NSUN3: variants seen among roughly 807,000 people sequenced by gnomAD.
NSUN3 encodes the protein NOP2/Sun RNA methyltransferase 3, also known as tRNA (cytosine(34)-C(5))-methyltransferase, mitochondrial.
NSUN3 carries 24 observed loss-of-function variants against 36.8 expected under a neutral mutation model. The observed-to-expected ratio is 0.65, with a 90% CI of 0.47 to 0.92. NSUN3 has a LOEUF of 0.92. NSUN3 is among the 40% of genes least tolerant of loss of function. NSUN3 has a pLI of 0.00. For missense variants in NSUN3, 381 were observed against 392.8 expected (o/e 0.97, Z 0.25); for synonymous variants, 146 against 145.2 (o/e 1.01, Z -0.04).
intron 3 of NSUN3, among the ~76,000 whole-genome samples, chr3:94,093,481 T>C (rs2077324912): frequency 6.6e-6 from 1 of 152,194 alleles, no homozygotes; most frequent in Admixed American, 6.5e-5. Flanking sequence ...CTAGGCAAGA[T>C]TGCTTATGAT....
At chr3:94,124,861 G>A (rs1357829893) in intron 5 of NSUN3, among the ~76,000 whole-genome samples, 1 of 151,994 alleles carries the variant, frequency 6.6e-6, no homozygotes, top group Non-Finnish European at 1.5e-5. Flanking sequence ...TTACCACCTA[G>A]AACAATGCTC....
chr3:94,069,897 A>AT (rs1237497673), intron 2 of NSUN3, among the ~76,000 whole-genome samples: 1 of 152,136 alleles, frequency 6.6e-6, no homozygotes, highest in Non-Finnish European at 1.5e-5. Context: ...ACAGTGTGAT[A>AT]TATTAGTTTA....
chr3:94,102,594 T>C (rs531402590), intron 5 of NSUN3, among the ~76,000 whole-genome samples: 10 of 152,242 alleles, frequency 6.6e-5, no homozygotes, highest in African/African-American at 2.2e-4. Context: ...TGTTTCTTTT[T>C]TCTTTAAGTT....
rs139101221 is a variant in NSUN3, at chr3:94,121,031, C to T, written c.744-5180C>T. ...CAAAAAAAGAGAAAACAAAAAACGC[C>T]ATCATTAGATGTGTATTAGTTGTTT... On this transcript the variant is annotated intron_variant, in intron 5 of 5. Coordinates refer to ENST00000314622, the MANE Select transcript of NSUN3 (RefSeq NM_022072.5). Among the ~76,000 whole-genome samples, 327 of 152,224 alleles carry T rather than the reference C, an allele frequency of 2.1e-3. 2 individuals carry two copies. The highest frequency in any genetic ancestry group is 7.6e-3 in the African/African-American group (316 of 41,532).
chr3:94,084,126 T>A lies in NSUN3; in HGVS notation c.142T>A (p.Ser48Thr). The A allele has an allele frequency of 6.2e-7, 1 of 1,613,646 alleles. No individual in the cohort carries two copies. Among genetic ancestry groups the A allele is most frequent in the Non-Finnish European group, 8.5e-7 (1 of 1,179,612 alleles). The change falls in exon 3 of 6, where the codon TCA becomes ACA. Residue 48 changes from serine to threonine, a missense_variant. Ser to Thr is a moderately conservative substitution (Grantham distance 58). Coordinates refer to ENST00000314622, the MANE Select transcript of NSUN3 (RefSeq NM_022072.5). ...TTCTAGGGAGATACTAACATCTCCA[T>A]CATGCTGGCAATATGCTGTCCTGCT... ...NTVREILTSP[S>T]CWQYAVLLNR...
In NSUN3 at chr3:94,128,206, A is replaced by C. The variant is rs2077495241; in HGVS notation, c.*1716A>C. ...GCCATTGCACTCCAGCCTGGGCGAC[A>C]AGAGTGAAACCCCGTAGCAAAAAAA... is the stretch of plus-strand genomic sequence containing the variant. On this transcript the variant is annotated 3_prime_UTR_variant, in exon 6 of 6. Coordinates refer to ENST00000314622, the MANE Select transcript of NSUN3 (RefSeq NM_022072.5). The C allele has an allele frequency of 6.6e-6, 1 of 152,178 alleles. No homozygotes were observed. The allele number at this position is 152,178 out of a possible 1,614,324, so 9.4% of individuals were successfully genotyped here.
intron 4 of NSUN3, 126 bp from the exon 5 acceptor site, chr3:94,094,907 T>TA: frequency 1.0e-6 from 1 of 992,102 alleles, no homozygotes; most frequent in Non-Finnish European, 1.5e-6. Flanking sequence ...TATTTTCAGT[T>TA]AAAAAAGAAA....
At chr3:94,110,404 A>AT (rs2077411374) in intron 5 of NSUN3, among the ~76,000 whole-genome samples, 3 of 151,998 alleles carry the variant, frequency 2.0e-5, no homozygotes, top group South Asian at 2.1e-4. Flanking sequence ...ACTTTGGGTT[A>AT]CAAAATCTTT....
chr3:94,114,492 A>G (rs1409832508), intron 5 of NSUN3, among the ~76,000 whole-genome samples: 1 of 152,244 alleles, frequency 6.6e-6, no homozygotes, highest in Non-Finnish European at 1.5e-5. Context: ...AATTAAGCTG[A>G]TCACATGTCC....
chr3:94,095,913 A>ATTTTT (rs60524751), intron 5 of NSUN3, among the ~76,000 whole-genome samples: 3 of 124,530 alleles, frequency 2.4e-5, no homozygotes. Context: ...AGCCTAGCTA[A>ATTTTT]TTTTTTTTTT....
rs778861357 is a variant in NSUN3 at position 94,095,086 on chromosome 3, C to T, written c.675C>T (p.Asp225=). Residue 225 remains aspartate, a synonymous_variant, in exon 5 of 6, where the codon GAC becomes GAT. Transcript: ENST00000314622. ...ATCGAAGCTGGTTGTTTTCTTCTGA[C>T]TCTCAGAAGGCATCCTGTAGGATAA... is the stretch of plus-strand genomic sequence containing the variant. The part of the protein sequence containing the change: ...SNDRSWLFSS[D]SQKASCRISQ... 2.5e-6 allele frequency: 4 copies of T among 1,612,856 alleles called. No homozygotes were observed. The highest frequency in any genetic ancestry group is 2.5e-6 in the Non-Finnish European group (3 of 1,179,020).
intron 2 of NSUN3, chr3:94,076,518 T>G: frequency 1.3e-6 from 1 of 790,530 alleles, no homozygotes; most frequent in Non-Finnish European, 2.3e-6. Context: ...GTAAAGATGG[T>G]CTTTGCATCC....
At chr3:94,087,229 G>A (rs1163159414) in intron 3 of NSUN3, among the ~76,000 whole-genome samples, 1 of 152,170 alleles carries the variant, frequency 6.6e-6, no homozygotes, top group Non-Finnish European at 1.5e-5. Context: ...AGTTAGGTTA[G>A]CTACAGTGCT....
In NSUN3 at chr3:94,126,189, G is replaced by T. The variant is rs536376076; in HGVS notation, c.744-22G>T. The T allele has an allele frequency of 5.0e-6, 8 of 1,586,390 alleles. No homozygotes were observed. The South Asian group carries it at 8.0e-5, about 16-fold the overall frequency. On this transcript the variant is annotated intron_variant, in intron 5 of 5. Transcript: ENST00000314622. ...TTTTAATATACTTAACTAATCTTTT[G>T]CATTTTTCTGATTGCACACAGGTCT... is the stretch of plus-strand genomic sequence containing the variant.
rs1377258601 is a variant in NSUN3 at position 94,126,070 on chromosome 3, A to AG, written c.744-141_744-140insG. On this transcript the variant is annotated intron_variant, in intron 5 of 5. Transcript: ENST00000314622. Reference sequence around the variant, plus strand: ...GTTAGACTCTGTCTCAAAAAAAAAAAAAAGACTAGAAAACATCCAAAGTAA... The same window carrying AG: ...GTTAGACTCTGTCTCAAAAAAAAAAAGAAAGACTAGAAAACATCCAAAGTAA... The AG allele has an allele frequency of 5.8e-6, 4 of 685,676 alleles. No individual in the cohort carries two copies. The African/African-American group carries it at 7.3e-5, about 13-fold the overall frequency. 42.5% of individuals were successfully genotyped at this position (685,676 alleles called of 1,614,324 possible). A position where few individuals can be genotyped will look rare whatever the true frequency, so the allele number is the denominator to read the frequency against.
chr3:94,090,841 G>A (rs1456146877), intron 3 of NSUN3, among the ~76,000 whole-genome samples: 1 of 151,974 alleles, frequency 6.6e-6, no homozygotes, highest in Non-Finnish European at 1.5e-5. Context: ...TCATGAGAGT[G>A]AAGGAATAAA....
chr3:94,100,826 A>G (rs150005108), intron 5 of NSUN3, among the ~76,000 whole-genome samples: 2 of 152,240 alleles, frequency 1.3e-5, no homozygotes, highest in East Asian at 3.9e-4. Context: ...AGAAATATTT[A>G]TGTTACATAA....
intron 5 of NSUN3, among the ~76,000 whole-genome samples, chr3:94,106,093 A>T (rs1023491501): frequency 6.6e-6 from 1 of 152,180 alleles, no homozygotes; most frequent in South Asian, 2.1e-4. Context: ...TGTTAAGAAG[A>T]GGTAGTAAAT....
chr3:94,086,068 C>T (rs139024116), intron 3 of NSUN3, among the ~76,000 whole-genome samples: 2,602 of 151,910 alleles, frequency 0.017, 43 homozygotes, highest in South Asian at 0.044. Flanking sequence ...CTCAGCCTCC[C>T]GAGTAGCTGG....
Sources: gnomAD v4.1 joint callset for allele counts (sites outside exome capture counted in the v4.1 genomes callset) on GRCh38, gnomAD v4.1.1 for gene constraint, MANE v1.5 for transcripts, NCBI Gene and HGNC (gene_info 2026-07-23, HGNC 2026-07-21) for gene names.